The following TOP2B variants were observed in gnomAD, a reference collection of about 807,000 sequenced individuals.
The protein encoded by TOP2B is DNA topoisomerase II beta.
A neutral mutation model predicts 193.5 loss-of-function variants in TOP2B; 51 were observed. The ratio of observed to expected loss-of-function variants is 0.26; its 90% CI spans 0.21 to 0.33. TOP2B has a LOEUF of 0.33. Ranked by LOEUF, TOP2B falls within the 10% of genes least tolerant of loss-of-function variation. The pLI is 1.00. For synonymous variants in TOP2B, 634 were observed against 635.7 expected (o/e 1.00, Z 0.04); for missense variants, 1,378 against 1,909.3 (o/e 0.72, Z 5.19).
chr3:25,620,559 G>T (rs951966820), intron 22 of TOP2B, 123 bp downstream of exon 22: 118 of 981,902 alleles, frequency 1.2e-4, no homozygotes, highest in Non-Finnish European at 4.8e-5. Flanking sequence ...AAGGGTAAAA[G>T]AAGGTACAGG....
In TOP2B at chr3:25,642,273, C is replaced by T. The variant is rs1030905338; in HGVS notation, c.395+49G>A. Reference sequence around the variant, plus strand: ...TTGAGGAGTACTCATAAATTGGGGACTATCTGAATAAAACTTAGCATAAAA... The same window carrying T: ...TTGAGGAGTACTCATAAATTGGGGATTATCTGAATAAAACTTAGCATAAAA... On this transcript the variant is annotated intron_variant, in intron 4 of 35. Coordinates refer to ENST00000264331, the MANE Select transcript of TOP2B (RefSeq NM_001330700.2). 1.5e-5 allele frequency: 17 copies of T among 1,133,634 alleles called. No homozygotes were observed. The African/African-American group carries it at 2.6e-4, about 18-fold the overall frequency. 70.2% of individuals were successfully genotyped at this position (1,133,634 alleles called of 1,614,324 possible).
At chr3:25,638,142 C>T in intron 5 of TOP2B, 23 bp downstream of exon 5, 1 of 1,547,598 alleles carries the variant, frequency 6.5e-7, no homozygotes, top group Non-Finnish European at 8.7e-7. Flanking sequence ...TATTTTTCAA[C>T]CAAAATTCCA....
chr3:25,650,380 GATT>G (rs1439578354), intron 1 of TOP2B, among the ~76,000 whole-genome samples: 1 of 152,200 alleles, frequency 6.6e-6, no homozygotes, highest in Non-Finnish European at 1.5e-5. Flanking sequence ...CTTTCGCTTT[GATT>G]GGACCACTTC....
At chr3:25,608,872 CT>C (rs1476589880) in intron 30 of TOP2B, among the ~76,000 whole-genome samples, 2 of 152,086 alleles carry the variant, frequency 1.3e-5, no homozygotes, top group African/African-American at 4.8e-5. Flanking sequence ...CCACAAAGCA[CT>C]TCTAATATTA....
At chr3:25,612,279 A>G (rs1231167641) in intron 28 of TOP2B, among the ~76,000 whole-genome samples, 1 of 152,052 alleles carries the variant, frequency 6.6e-6, no homozygotes, top group African/African-American at 2.4e-5. Context: ...AGCTGAGTGG[A>G]GTGTTTCTAT....
In TOP2B at chr3:25,645,328, T is replaced by A. The variant is rs1703385960; in HGVS notation, c.212A>T (p.Tyr71Phe). The stretch of plus-strand genomic sequence containing the variant: ...CGTCAATGGCTCCACTGACCCAATA[T>A]ATGTATCAGGACGAAGAAGAATGTG... The part of the protein sequence containing the change: ...LEHILLRPDT[Y>F]IGSVEPLTQF... Residue 71 changes from tyrosine to phenylalanine, a missense_variant, in exon 2 of 36, where the codon TAT (tyrosine) becomes TTT (phenylalanine). Tyr to Phe is a conservative substitution (Grantham distance 22, BLOSUM62 3). This residue lies in a region of TOP2B where 35 missense variants were observed against 85.8 expected (regional missense o/e 0.41). Transcript: ENST00000264331. 5 of 1,608,122 alleles carry A rather than the reference T, an allele frequency of 3.1e-6. No homozygotes were observed. Among genetic ancestry groups the A allele is most frequent in the Non-Finnish European group, 4.2e-6 (5 of 1,176,756 alleles).
At chr3:25,652,146 G>T (rs1161655199) in intron 1 of TOP2B, among the ~76,000 whole-genome samples, 1 of 152,160 alleles carries the variant, frequency 6.6e-6, no homozygotes, top group African/African-American at 2.4e-5. Context: ...AGTAAGATAT[G>T]CATCTAACAT....
intron 30 of TOP2B, 80 bp downstream of exon 30, chr3:25,609,103 T>A (rs2125351065): frequency 1.6e-6 from 2 of 1,262,606 alleles, no homozygotes; most frequent in South Asian, 2.1e-5. Flanking sequence ...GCTTAGTACT[T>A]AAACAACACT....
At chr3:25,635,896 A>G (rs1703093272) in intron 7 of TOP2B, 40 bp downstream of exon 7, 1 of 1,547,562 alleles carries the variant, frequency 6.5e-7, no homozygotes, top group Admixed American at 1.7e-5. Flanking sequence ...TTCTCTCTAT[A>G]AAATAACATA....
At chr3:25,648,821 A>G (rs1703490540) in intron 1 of TOP2B, among the ~76,000 whole-genome samples, 1 of 152,152 alleles carries the variant, frequency 6.6e-6, no homozygotes, top group East Asian at 1.9e-4. Context: ...ATCTGCACAC[A>G]ACTGTACTCC....
chr3:25,624,243 T>C, intron 20 of TOP2B, 54 bp downstream of exon 20: 1 of 1,583,678 alleles, frequency 6.3e-7, no homozygotes, highest in Non-Finnish European at 8.7e-7. Context: ...AACATTTAGT[T>C]AGTTGGTTCC....
intron 31 of TOP2B, among the ~76,000 whole-genome samples, chr3:25,606,812 C>A (rs760714692): frequency 4.6e-5 from 7 of 152,192 alleles, no homozygotes; most frequent in Non-Finnish European, 7.3e-5. Flanking sequence ...ATCCCATGGA[C>A]CTGCTGCCTA....
chr3:25,658,192 G>C (rs1703809953), intron 1 of TOP2B, among the ~76,000 whole-genome samples: 1 of 151,704 alleles, frequency 6.6e-6, no homozygotes, highest in Admixed American at 6.6e-5. Flanking sequence ...CAGCGCCACT[G>C]CACCCCAACC....
intron 1 of TOP2B, among the ~76,000 whole-genome samples, chr3:25,651,317 T>C (rs981407026): frequency 2.0e-5 from 3 of 151,994 alleles, no homozygotes; most frequent in Non-Finnish European, 4.4e-5. Flanking sequence ...TCATATGGCA[T>C]TGAAGTTACT....
At chr3:25,602,491 C>T (rs1702128424) in intron 33 of TOP2B, among the ~76,000 whole-genome samples, 1 of 132,614 alleles carries the variant, frequency 7.5e-6, no homozygotes, top group African/African-American at 3.1e-5. Flanking sequence ...TAACTGTAGA[C>T]TTTGTTTAAA....
intron 27 of TOP2B, 101 bp from the exon 28 acceptor site, chr3:25,612,810 G>C: frequency 1.2e-6 from 1 of 834,372 alleles, no homozygotes; most frequent in African/African-American, 1.7e-5. Context: ...ACTCAGTAAA[G>C]AATAAAGCTT....
chr3:25,651,744 G>A (rs11129201), intron 1 of TOP2B, among the ~76,000 whole-genome samples: 39,730 of 151,636 alleles, frequency 0.26, 5,348 homozygotes, highest in East Asian at 0.31. Flanking sequence ...GCAGCCACCT[G>A]TAATCCCAGC....
chr3:25,609,697 C>A lies in TOP2B; in HGVS notation c.3802G>T (p.Ala1268Ser). Residue 1268 changes from alanine to serine, a missense_variant, in exon 29 of 36, where the codon GCA becomes TCA. Ala to Ser is a moderately conservative substitution (Grantham distance 99). This residue lies in a region of TOP2B where 556 missense variants were observed against 584.2 expected (regional missense o/e 0.95). Coordinates refer to ENST00000264331, the MANE Select transcript of TOP2B (RefSeq NM_001330700.2). ...LKKKKGDLDT[A>S]AVKVEFDEEF... The stretch of plus-strand genomic sequence containing the variant: ...TCATCAAATTCCACTTTTACTGCTG[C>A]AGTATCAAGATCACCCTACATAATA... 1 of 1,503,072 alleles carries A rather than the reference C, an allele frequency of 6.7e-7. No individual in the cohort carries two copies. Among genetic ancestry groups the A allele is most frequent in the Non-Finnish European group, 8.8e-7 (1 of 1,132,172 alleles). 93.1% of individuals were successfully genotyped at this position (1,503,072 alleles called of 1,614,324 possible).
intron 18 of TOP2B, 142 bp downstream of exon 18, chr3:25,626,418 G>A (rs1205770240): frequency 6.9e-6 from 3 of 432,954 alleles, no homozygotes; most frequent in Non-Finnish European, 1.2e-5. Context: ...AATCAAAAAG[G>A]CCTTAAATTC....
Sources: gnomAD v4.1 joint callset for allele counts (sites outside exome capture counted in the v4.1 genomes callset) on GRCh38, gnomAD v4.1.1 for gene constraint, gnomAD v4.1.1 regional missense constraint, MANE v1.5 for transcripts, NCBI Gene and HGNC (gene_info 2026-07-23, HGNC 2026-07-21) for gene names.